ZNF438: variants seen among roughly 807,000 people sequenced by gnomAD.
ZNF438 encodes zinc finger protein 438.
ZNF438 carries 25 observed loss-of-function variants against 38.0 expected under a neutral mutation model. That is an observed-to-expected ratio of 0.66 (90% CI 0.48 to 0.92). ZNF438 has a LOEUF of 0.92. Among genes scored for constraint, ZNF438 ranks in the 40% least tolerant of loss-of-function variants. The pLI, the probability that ZNF438 is intolerant of heterozygous loss-of-function variation, is 0.00. For synonymous variants in ZNF438, 372 were observed against 364.1 expected (o/e 1.02, Z -0.25); for missense variants, 1,007 against 999.6 (o/e 1.01, Z -0.10).
chr10:31,005,259 G>A (rs985637192), intron 1 of ZNF438, among the ~76,000 whole-genome samples: 4 of 152,188 alleles, frequency 2.6e-5, no homozygotes, highest in Non-Finnish European at 5.9e-5. Context: ...TGTGAGTTAT[G>A]TGTGTGTACA....
intron 4 of ZNF438, among the ~76,000 whole-genome samples, chr10:30,854,476 T>G (rs939614856): frequency 6.6e-6 from 1 of 152,072 alleles, no homozygotes; most frequent in Non-Finnish European, 1.5e-5. Flanking sequence ...AATAGAGTGA[T>G]CAATGAGAAA....
At chr10:30,906,627 T>C (rs11008301) in intron 3 of ZNF438, among the ~76,000 whole-genome samples, 65,123 of 152,094 alleles carry the variant, frequency 0.43, 14,430 homozygotes, top group Non-Finnish European at 0.47. Context: ...GTAAGATAAC[T>C]CATCCTTGTC....
At chr10:30,847,674 G>A (rs2032549031) in intron 5 of ZNF438, among the ~76,000 whole-genome samples, 1 of 152,208 alleles carries the variant, frequency 6.6e-6, no homozygotes, top group African/African-American at 2.4e-5. Context: ...CCAGGGCAGT[G>A]ACTCCCTAGT....
At chr10:30,905,636 G>A (rs990813978) in intron 3 of ZNF438, among the ~76,000 whole-genome samples, 3 of 151,958 alleles carry the variant, frequency 2.0e-5, no homozygotes, top group Admixed American at 6.6e-5. Context: ...GTTTTCTTTT[G>A]TTGTTTATAC....
chr10:30,894,192 A>G (rs577370997), intron 3 of ZNF438, among the ~76,000 whole-genome samples: 5 of 152,362 alleles, frequency 3.3e-5, no homozygotes, highest in Non-Finnish European at 7.3e-5. Flanking sequence ...TCACATGGGT[A>G]GAATAACCAT....
chr10:30,875,124 A>G (rs2038208463), intron 4 of ZNF438, among the ~76,000 whole-genome samples: 1 of 152,078 alleles, frequency 6.6e-6, no homozygotes, highest in Admixed American at 6.6e-5. Flanking sequence ...CTGGGTAAGG[A>G]GGTTTACTTG....
intron 3 of ZNF438, among the ~76,000 whole-genome samples, chr10:30,879,109 T>A (rs535889816): frequency 6.6e-4 from 101 of 152,202 alleles, no homozygotes; most frequent in African/African-American, 2.0e-3. Context: ...ACCTTTGTAA[T>A]GATCAGCACA....
At chr10:30,893,900 A>G (rs1364555559) in intron 3 of ZNF438, among the ~76,000 whole-genome samples, 1 of 152,226 alleles carries the variant, frequency 6.6e-6, no homozygotes, top group African/African-American at 2.4e-5. Flanking sequence ...GAAACTAATT[A>G]TGGTAGTTAT....
At chr10:30,910,041 C>T (rs1225434606) in intron 2 of ZNF438, among the ~76,000 whole-genome samples, 2 of 152,184 alleles carry the variant, frequency 1.3e-5, no homozygotes, top group African/African-American at 2.4e-5. Flanking sequence ...AGGACTGAAG[C>T]TCCCTAGGTT....
At chr10:30,962,654 T>C (rs1313888691) in intron 1 of ZNF438, among the ~76,000 whole-genome samples, 1 of 147,298 alleles carries the variant, frequency 6.8e-6, no homozygotes, top group Non-Finnish European at 1.5e-5. Flanking sequence ...AGTAATATCT[T>C]GAAAGAATCT....
chr10:30,908,349 G>T (rs2042776430), intron 3 of ZNF438, among the ~76,000 whole-genome samples: 1 of 152,192 alleles, frequency 6.6e-6, no homozygotes, highest in African/African-American at 2.4e-5. Context: ...TGTTCTTTAA[G>T]TGGAGTATTC....
chr10:30,882,873 T>C (rs1368458330), intron 3 of ZNF438, among the ~76,000 whole-genome samples: 1 of 152,198 alleles, frequency 6.6e-6, no homozygotes, highest in African/African-American at 2.4e-5. Context: ...TATCCTAATA[T>C]AGCTGTTAAA....
chr10:31,003,308 G>C (rs72814478), intron 1 of ZNF438, among the ~76,000 whole-genome samples: 9,251 of 152,176 alleles, frequency 0.061, 311 homozygotes, highest in Non-Finnish European at 0.074. Context: ...CTGCCACCCA[G>C]TACATGTTTT....
chr10:31,004,696 G>C (rs2054960333), intron 1 of ZNF438, among the ~76,000 whole-genome samples: 1 of 152,154 alleles, frequency 6.6e-6, no homozygotes, highest in East Asian at 1.9e-4. Context: ...AGAGACCAAA[G>C]AGGTACAAAG....
intron 1 of ZNF438, among the ~76,000 whole-genome samples, chr10:31,021,083 C>A: frequency 6.9e-6 from 1 of 145,446 alleles, no homozygotes. Flanking sequence ...TTGAGACAGG[C>A]TCTCACTCTG....
At chr10:30,891,884 C>T (rs531201337) in intron 3 of ZNF438, among the ~76,000 whole-genome samples, 1 of 152,288 alleles carries the variant, frequency 6.6e-6, no homozygotes, top group East Asian at 1.9e-4. Flanking sequence ...GCCTGGATTT[C>T]CAATGCTAAC....
At chr10:31,020,469 AGG>A (rs1430619374) in intron 1 of ZNF438, among the ~76,000 whole-genome samples, 1 of 152,194 alleles carries the variant, frequency 6.6e-6, no homozygotes. Flanking sequence ...GTTGAACTAC[AGG>A]GTATATGGCA....
intron 2 of ZNF438, among the ~76,000 whole-genome samples, chr10:30,918,369 T>C (rs929704675): frequency 5.3e-5 from 8 of 152,184 alleles, no homozygotes; most frequent in Non-Finnish European, 8.8e-5. Context: ...GAGGGAAATG[T>C]CATTTAATTG....
intron 4 of ZNF438, among the ~76,000 whole-genome samples, chr10:30,854,980 AC>A (rs2132947057): frequency 6.6e-6 from 1 of 152,332 alleles, no homozygotes; most frequent in African/African-American, 2.4e-5. Flanking sequence ...ATTTTTTATG[AC>A]CAAGTGTGAG....
Sources: allele counts gnomAD v4.1 joint callset (sites outside exome capture counted in the v4.1 genomes callset), GRCh38; gene constraint gnomAD v4.1.1; transcripts MANE v1.5; gene names NCBI Gene and HGNC (gene_info 2026-07-23, HGNC 2026-07-21).